Variants in SNX13 observed in about 807,000 individuals in gnomAD.
The protein encoded by SNX13 is sorting nexin 13.
SNX13 carries 45 observed loss-of-function variants against 133.6 expected under a neutral mutation model. That is an observed-to-expected ratio of 0.34 (90% CI 0.27 to 0.43). The LOEUF (loss-of-function observed/expected upper bound fraction) is 0.43, where lower values mean the gene tolerates loss of function less well. SNX13 is among the 20% of genes least tolerant of loss of function. The probability of loss-of-function intolerance (pLI) is 1.00; values close to 1 mark genes in which losing one functional copy is unlikely to be tolerated. For missense variants in SNX13, 1,032 were observed against 1,145.1 expected, an observed-to-expected ratio of 0.90 and a Z score of 1.43; for synonymous variants, 414 against 373.9, an observed-to-expected ratio of 1.11 and a Z score of -1.24.
intron 1 of SNX13, among the ~76,000 whole-genome samples, chr7:17,916,181 A>G (rs918673081): frequency 1.6e-5 from 2 of 125,984 alleles, no homozygotes; most frequent in African/African-American, 3.1e-5. Flanking sequence ...AAACGTCTAC[A>G]CCAAGGAGAT....
intron 20 of SNX13, among the ~76,000 whole-genome samples, chr7:17,814,234 C>A (rs965141302): frequency 6.6e-6 from 1 of 152,008 alleles, no homozygotes; most frequent in Non-Finnish European, 1.5e-5. Flanking sequence ...AACTGAAGTA[C>A]CAAAGGTTCA....
chr7:17,831,041 T>C, intron 15 of SNX13: 15 of 984,274 alleles, frequency 1.5e-5, no homozygotes, highest in Non-Finnish European at 1.8e-5. Context: ...AAAATAGTTA[T>C]CTATCCTCCT....
intron 1 of SNX13, among the ~76,000 whole-genome samples, chr7:17,935,414 T>C (rs977608243): frequency 5.3e-5 from 8 of 152,164 alleles, no homozygotes; most frequent in Non-Finnish European, 8.8e-5. Context: ...TTCAGATAGA[T>C]AGAAGGAAGA....
At chr7:17,834,271 A>G in intron 14 of SNX13, 87 bp from the exon 15 acceptor site, 1 of 1,177,770 alleles carries the variant, frequency 8.5e-7, no homozygotes, top group Non-Finnish European at 1.1e-6. Flanking sequence ...AGACACACTG[A>G]GGTCTTGCCA....
intron 1 of SNX13, among the ~76,000 whole-genome samples, chr7:17,914,325 C>T (rs988104936): frequency 5.9e-5 from 9 of 151,986 alleles, no homozygotes; most frequent in East Asian, 1.9e-4. Context: ...GGAAATAATT[C>T]GGGAAAATTT....
chr7:17,844,049 C>A (rs1042872562), intron 12 of SNX13, among the ~76,000 whole-genome samples: 4 of 151,210 alleles, frequency 2.6e-5, no homozygotes, highest in African/African-American at 9.7e-5. Context: ...CCAAAGCTAG[C>A]AGAAGGAAGG....
chr7:17,867,217 TCTCCAGGAAAGG>T (rs1325368391), intron 9 of SNX13, among the ~76,000 whole-genome samples: 1 of 152,116 alleles, frequency 6.6e-6, no homozygotes. Context: ...AGTTCCATGG[TCTCCAGGAAAGG>T]CTCCAGAAGT....
intron 18 of SNX13, among the ~76,000 whole-genome samples, chr7:17,817,483 A>C (rs560777410): frequency 6.6e-6 from 1 of 152,348 alleles, no homozygotes; most frequent in African/African-American, 2.4e-5. Flanking sequence ...GAAAAGGATT[A>C]GGATAATTTC....
chr7:17,825,011 G>T (rs140242815), intron 17 of SNX13, among the ~76,000 whole-genome samples: 12 of 152,060 alleles, frequency 7.9e-5, no homozygotes, highest in Admixed American at 3.3e-4. Context: ...CTCGTGATCC[G>T]CCTGCCTCAG....
chr7:17,827,009 G>C (rs558690396), intron 16 of SNX13, among the ~76,000 whole-genome samples: 1 of 152,132 alleles, frequency 6.6e-6, no homozygotes, highest in African/African-American at 2.4e-5. Flanking sequence ...TAAACTATCT[G>C]TATAAGAAAT....
chr7:17,842,109 G>A (rs551106616), intron 12 of SNX13, among the ~76,000 whole-genome samples: 2 of 151,856 alleles, frequency 1.3e-5, no homozygotes, highest in Non-Finnish European at 2.9e-5. Context: ...AGAAAGGCAC[G>A]AATATAAACA....
At position 17,832,493 on chromosome 7, in the gene SNX13, C is replaced by T. The variant is rs1021285014; in HGVS notation, c.1597+1559G>A. 7 of 982,646 alleles carry T rather than the reference C, an allele frequency of 7.1e-6. No homozygotes were observed. The African/African-American group carries it at 8.7e-5, about 12-fold the overall frequency. 60.9% of individuals were successfully genotyped at this position (982,646 alleles called of 1,614,324 possible). A position where few individuals can be genotyped will look rare whatever the true frequency, so the allele number is the denominator to read the frequency against. ...ACCTAGCAAATCCACTTCACAAATA[C>T]GAAGAAATTTCTAAAATAGATAAAA... is the stretch of plus-strand genomic sequence containing the variant. On this transcript the variant is annotated intron_variant, in intron 15 of 25. Transcript: ENST00000428135.
At chr7:17,940,185 G>A (rs2128059278) in intron 1 of SNX13, 99 bp downstream of exon 1, 2 of 1,495,872 alleles carry the variant, frequency 1.3e-6, no homozygotes, top group Non-Finnish European at 1.8e-6. Flanking sequence ...CCACGGCGAA[G>A]GGTCAGGCCC....
Position 17,940,302 on chromosome 7 carries a change from A to G in SNX13, c.-7T>C. 1.3e-6 allele frequency: 2 copies of G among 1,564,426 alleles called. No individual in the cohort carries two copies. The highest frequency in any genetic ancestry group is 8.7e-7 in the Non-Finnish European group (1 of 1,154,572). ...CGCTTACCTCAGTTAACATTATTAC[A>G]CCCCGGGGAAGTGAGGTCCTCCCTA... On this transcript the variant is annotated 5_prime_UTR_variant, in exon 1 of 26. Transcript: ENST00000428135.
intron 5 of SNX13, chr7:17,889,288 T>A (rs1796363629): frequency 6.6e-6 from 1 of 152,224 alleles, no homozygotes; most frequent in African/African-American, 2.4e-5. Flanking sequence ...CAAATCTATC[T>A]CTGTAACAAT....
At chr7:17,807,819 C>A (rs972130693) in intron 20 of SNX13, among the ~76,000 whole-genome samples, 10 of 136,064 alleles carry the variant, frequency 7.3e-5, no homozygotes, top group Non-Finnish European at 1.2e-4. Flanking sequence ...GATACTCGGG[C>A]AAACAGGGTC....
intron 5 of SNX13, chr7:17,888,683 A>G: frequency 2.1e-6 from 1 of 470,808 alleles, no homozygotes; most frequent in South Asian, 1.5e-5. Flanking sequence ...CACTCCACTG[A>G]GCAGGGACTT....
At chr7:17,902,744 G>C (rs1242752177) in intron 1 of SNX13, among the ~76,000 whole-genome samples, 1 of 152,072 alleles carries the variant, frequency 6.6e-6, no homozygotes, top group African/African-American at 2.4e-5. Flanking sequence ...TAATACAGGA[G>C]TCCCCAACCC....
chr7:17,880,017 G>A (rs868151290), intron 5 of SNX13: 1 of 152,130 alleles, frequency 6.6e-6, no homozygotes, highest in Non-Finnish European at 1.5e-5. Context: ...TTAAACATTC[G>A]ATCAAAAGAG....
Sources: gnomAD v4.1 joint callset for allele counts (sites outside exome capture counted in the v4.1 genomes callset) on GRCh38, gnomAD v4.1.1 for gene constraint, MANE v1.5 for transcripts, NCBI Gene and HGNC (gene_info 2026-07-23, HGNC 2026-07-21) for gene names.